The following XPO5 variants were observed in gnomAD, a reference collection of about 807,000 sequenced individuals.
The protein encoded by XPO5 is exportin 5.
Under a neutral mutation model 160.6 loss-of-function variants are expected in XPO5, and 46 were observed. The observed-to-expected ratio is 0.29, with a 90% CI of 0.23 to 0.37. The LOEUF (loss-of-function observed/expected upper bound fraction) is 0.37, where lower values mean the gene tolerates loss of function less well. Among genes scored for constraint, XPO5 ranks in the 10% least tolerant of loss-of-function variants. The pLI is 1.00. For missense variants in XPO5, 1,090 were observed against 1,463.9 expected, an observed-to-expected ratio of 0.74 and a Z score of 4.17; for synonymous variants, 537 against 519.3, an observed-to-expected ratio of 1.03 and a Z score of -0.46.
chr6:43,572,367 G>A, intron 3 of XPO5, 139 bp downstream of exon 3: 2 of 797,718 alleles, frequency 2.5e-6, no homozygotes, highest in Non-Finnish European at 4.1e-6. Flanking sequence ...GTGAGTCACT[G>A]TGCCTGGCCT....
chr6:43,551,958 T>C (rs2127733651), intron 14 of XPO5, among the ~76,000 whole-genome samples: 1 of 152,318 alleles, frequency 6.6e-6, no homozygotes, highest in African/African-American at 2.4e-5. Context: ...TGAACCACCG[T>C]ACTCAGCTGT....
chr6:43,570,816 C>T (rs1340785267), intron 4 of XPO5, 41 bp downstream of exon 4: 2 of 1,559,202 alleles, frequency 1.3e-6, no homozygotes, highest in Admixed American at 2.1e-5. Flanking sequence ...AAGTTTGTTC[C>T]AAGGAAAAGT....
At chr6:43,526,459 A>T in intron 27 of XPO5, 1 of 562,832 alleles carries the variant, frequency 1.8e-6, no homozygotes, top group South Asian at 2.2e-5. Flanking sequence ...AGAAAAGATC[A>T]CATATATGGT....
chr6:43,563,133 C>CT (rs1388023802), intron 8 of XPO5, among the ~76,000 whole-genome samples: 9 of 151,116 alleles, frequency 6.0e-5, no homozygotes, highest in East Asian at 1.9e-4. Flanking sequence ...AATATTTTTT[C>CT]TTTTTTTTTG....
intron 3 of XPO5, among the ~76,000 whole-genome samples, chr6:43,571,257 GAA>G (rs775853445): frequency 3.9e-5 from 6 of 152,160 alleles, no homozygotes; most frequent in Non-Finnish European, 8.8e-5. Context: ...TTTACAAAAT[GAA>G]AAGATTCTCA....
intron 15 of XPO5, among the ~76,000 whole-genome samples, chr6:43,550,768 C>T (rs1426637554): frequency 6.6e-6 from 1 of 152,168 alleles, no homozygotes; most frequent in East Asian, 1.9e-4. Context: ...TAGTCCCGTT[C>T]TCCTTTGTGA....
intron 13 of XPO5, 197 bp from the exon 14 acceptor site, chr6:43,553,700 G>GAACCTTCACCTACCTCAT: frequency 2.4e-6 from 3 of 1,234,762 alleles, no homozygotes; most frequent in Non-Finnish European, 3.1e-6. Flanking sequence ...AATGAGGTAG[G>GAACCTTCACCTACCTCAT]TGAAGGTTCC....
chr6:43,560,410 A>T, intron 10 of XPO5, 107 bp from the exon 11 acceptor site: 1 of 1,355,326 alleles, frequency 7.4e-7, no homozygotes. Flanking sequence ...AAATCTGTAC[A>T]ATACTTTGAA....
At chr6:43,527,447 T>C (rs1297199775) in intron 26 of XPO5, 187 bp downstream of exon 26, 3 of 539,906 alleles carry the variant, frequency 5.6e-6, no homozygotes, top group African/African-American at 3.9e-5. Context: ...CTAATTTTTG[T>C]ATTATTAGTA....
At chr6:43,538,755 G>T in intron 20 of XPO5, 1 of 578,542 alleles carries the variant, frequency 1.7e-6, no homozygotes, top group Non-Finnish European at 2.9e-6. Flanking sequence ...AATGAGTTAT[G>T]GAGCACTACA....
chr6:43,525,446 G>A (rs977072348), intron 28 of XPO5: 3 of 533,562 alleles, frequency 5.6e-6, no homozygotes, highest in Middle Eastern at 4.9e-4. Context: ...CTTAGGAGCT[G>A]GAGTTTTAAA....
chr6:43,534,586 T>C (rs1794200110), intron 20 of XPO5, among the ~76,000 whole-genome samples: 1 of 152,216 alleles, frequency 6.6e-6, no homozygotes, highest in South Asian at 2.1e-4. Flanking sequence ...ACAGCACTCT[T>C]ACCTACTCAC....
intron 5 of XPO5, among the ~76,000 whole-genome samples, chr6:43,569,992 G>A (rs1257638208): frequency 1.4e-5 from 2 of 140,802 alleles, no homozygotes; most frequent in Admixed American, 7.2e-5. Context: ...GCAGTAAGCC[G>A]AGATCCCTAT....
intron 12 of XPO5, 123 bp from the exon 13 acceptor site, chr6:43,556,087 T>C: frequency 3.1e-6 from 4 of 1,301,102 alleles, no homozygotes; most frequent in Non-Finnish European, 4.2e-6. Flanking sequence ...TGCAGACTTG[T>C]GCTTTGCATG....
chr6:43,539,653 A>T (rs1794577138), intron 20 of XPO5: 11 of 1,180,014 alleles, frequency 9.3e-6, no homozygotes, highest in Non-Finnish European at 1.3e-5. Context: ...TCCCCATCCC[A>T]GGGCCACCAG....
intron 18 of XPO5, 113 bp downstream of exon 18, chr6:43,548,148 G>C: frequency 1.9e-6 from 2 of 1,056,532 alleles, no homozygotes; most frequent in Non-Finnish European, 2.7e-6. Context: ...AGATATCATG[G>C]ATAATGCCAT....
intron 3 of XPO5, among the ~76,000 whole-genome samples, chr6:43,571,803 C>CAA (rs1038939431): frequency 8.0e-6 from 1 of 124,690 alleles, no homozygotes; most frequent in Non-Finnish European, 1.7e-5. Flanking sequence ...GACTCTGTCT[C>CAA]AAAAAAAAAA....
In XPO5 at chr6:43,530,722, G is replaced by A; in HGVS notation, c.2643C>T (p.Asn881=). 1 of 1,613,978 alleles carries A rather than the reference G, an allele frequency of 6.2e-7. No individual in the cohort carries two copies. Among genetic ancestry groups the A allele is most frequent in the Non-Finnish European group, 8.5e-7 (1 of 1,179,894 alleles). ...GTCTGAGTCGGTAGTCAGGAATATT[G>A]TTCAAGTTGACAAAGGCTGAGCTGA... ...QLLSSAFVNL[N]NIPDYRLRPM... is the part of the protein sequence containing the mutation. The change falls in exon 23 of 32, where the codon AAC becomes AAT. Residue 881 remains asparagine, a synonymous_variant. Coordinates refer to ENST00000265351, the MANE Select transcript of XPO5 (RefSeq NM_020750.3).
chr6:43,539,424 TG>T (rs1794558156), intron 20 of XPO5: 1 of 1,565,034 alleles, frequency 6.4e-7, no homozygotes, highest in East Asian at 2.2e-5. Context: ...AAAAAGTCAA[TG>T]ATCTCTGATT....
Sources: gnomAD v4.1 joint callset for allele counts (sites outside exome capture counted in the v4.1 genomes callset) on GRCh38, gnomAD v4.1.1 for gene constraint, MANE v1.5 for transcripts, NCBI Gene and HGNC (gene_info 2026-07-23, HGNC 2026-07-21) for gene names.